The following CST9L variants were observed in gnomAD, a reference collection of about 807,000 sequenced individuals.
CST9L encodes the protein cystatin-9-like.
In CST9L, 17 loss-of-function variants were observed where a neutral mutation model predicts 13.2. The ratio of observed to expected loss-of-function variants is 1.29; its 90% CI spans 0.88 to 1.93. The LOEUF (loss-of-function observed/expected upper bound fraction) is 1.93. CST9L is among the 30% of genes most tolerant of loss of function. The pLI is 0.00. For missense variants in CST9L, 170 were observed against 170.5 expected, an observed-to-expected ratio of 1.00 and a Z score of 0.02; for synonymous variants, 78 against 69.1, an observed-to-expected ratio of 1.13 and a Z score of -0.64.
intron 1 of CST9L, 133 bp downstream of exon 1, chr20:23,568,078 T>G (rs1989123065): frequency 1.2e-6 from 1 of 828,064 alleles, no homozygotes; most frequent in Admixed American, 2.7e-5. Flanking sequence ...TAAACTACCT[T>G]GTATTTTCTT....
chr20:23,566,375 C>A (rs1205673496), intron 1 of CST9L, among the ~76,000 whole-genome samples: 1 of 152,220 alleles, frequency 6.6e-6, no homozygotes, highest in African/African-American at 2.4e-5. Context: ...AGTGTCTGAA[C>A]CTGCAGCTGC....
intron 1 of CST9L, among the ~76,000 whole-genome samples, chr20:23,567,526 A>AT (rs1491011923): frequency 6.9e-6 from 1 of 144,486 alleles, no homozygotes; most frequent in Non-Finnish European, 1.5e-5. Flanking sequence ...AAAAAAAAAA[A>AT]AGTCCTCAAC....
intron 2 of CST9L, 49 bp from the exon 3 acceptor site, chr20:23,565,086 AG>A: frequency 1.5e-6 from 2 of 1,324,478 alleles, no homozygotes; most frequent in Non-Finnish European, 2.2e-6. Flanking sequence ...AGGCTCAGGA[AG>A]CTCATGGCTC....
At position 23,568,194 on chromosome 20, in the gene CST9L, G is replaced by GGTAC; in HGVS notation, c.240+13_240+16dup. On this transcript the variant is annotated intron_variant, in intron 1 of 2. Coordinates refer to ENST00000376979, the MANE Select transcript of CST9L (RefSeq NM_080610.3). Reference sequence around the variant, plus strand: ...CACATGCCAGATGCCAGGGCAGGAGGGTACGTGGTCACCAACCTGCTCCTT... The same window carrying GGTAC: ...CACATGCCAGATGCCAGGGCAGGAGGGTACGTACGTGGTCACCAACCTGCTCCTT... The GGTAC allele has an allele frequency of 6.2e-7, 1 of 1,614,042 alleles. No homozygotes were observed. The highest frequency in any genetic ancestry group is 8.5e-7 in the Non-Finnish European group (1 of 1,179,944).
chr20:23,568,153 A>G, intron 1 of CST9L, 58 bp downstream of exon 1: 1 of 1,599,874 alleles, frequency 6.3e-7, no homozygotes. Context: ...CCCCACTCCC[A>G]TTTTTCACTG....
In CST9L at chr20:23,568,270, G is replaced by C; in HGVS notation, c.181C>G (p.Gln61Glu). 1 of 1,614,200 alleles carries C rather than the reference G, an allele frequency of 6.2e-7. No homozygotes were observed. Residue 61 changes from glutamine to glutamate, a missense_variant, in exon 1 of 3, where the codon CAG (glutamine) becomes GAG (glutamate). Gln to Glu is a conservative substitution (Grantham distance 29). Transcript: ENST00000376979. ...CTGTAGGCATAGTAGTCCTTGCTCT[G>C]TTGGTTGAATGTGTGGACAGCAAAC... ...VEFAVHTFNQ[Q>E]SKDYYAYRLG...
At position 23,566,053 on chromosome 20, in the gene CST9L, A is replaced by C. The variant is rs766760726; in HGVS notation, c.275T>G (p.Leu92Arg). ...ESKTVFSMELLLGRTRCGKFE... is the reference protein window; with the variant it reads ...ESKTVFSMELRLGRTRCGKFE... ...TTTCCCACACCTAGTTCTCCCCAGC[A>C]GTAGCTCCATTGAGAATACAGTCTT... Residue 92 changes from leucine (L) to arginine (R), a missense_variant, in exon 2 of 3, where the codon CTG becomes CGG. Coordinates refer to ENST00000376979, the MANE Select transcript of CST9L (RefSeq NM_080610.3). 1 of 1,609,178 alleles carries C rather than the reference A, an allele frequency of 6.2e-7. No homozygotes were observed. The highest frequency in any genetic ancestry group is 1.1e-5 in the South Asian group (1 of 90,976).
rs555139774 is a variant in CST9L at position 23,567,131 on chromosome 20, G to T, written c.241-1044C>A. On this transcript the variant is annotated intron_variant, in intron 1 of 2. Coordinates refer to ENST00000376979, the MANE Select transcript of CST9L (RefSeq NM_080610.3). ...GGGTCTTTCCAGAGGCTGAAGCTTG[G>T]TGCAGGGTTGGGGTCCTTTTGCTCT... is the stretch of plus-strand genomic sequence containing the variant. Among the ~76,000 whole-genome samples, 33 of 152,284 alleles carry T rather than the reference G, an allele frequency of 2.2e-4. No individual in the cohort carries two copies. The South Asian group carries it at 6.6e-3, about 31-fold the overall frequency.
At chr20:23,567,152 G>T (rs1470279610) in intron 1 of CST9L, among the ~76,000 whole-genome samples, 1 of 152,086 alleles carries the variant, frequency 6.6e-6, no homozygotes, top group Non-Finnish European at 1.5e-5. Flanking sequence ...GGGTCCTTTT[G>T]CTCTTCTTGC....
At chr20:23,567,660 T>A (rs150412078) in intron 1 of CST9L, among the ~76,000 whole-genome samples, 104 of 152,140 alleles carry the variant, frequency 6.8e-4, no homozygotes, top group Middle Eastern at 3.4e-3. Context: ...TGAGGAAGAG[T>A]GTGAAACAGT....
chr20:23,565,417 G>C (rs891374338), intron 2 of CST9L, among the ~76,000 whole-genome samples: 3 of 152,170 alleles, frequency 2.0e-5, no homozygotes, highest in African/African-American at 7.2e-5. Context: ...TACAATAAGG[G>C]TGTTGATTAA....
rs78814422 is a variant in CST9L at position 23,567,909 on chromosome 20, G to A, written c.240+302C>T. Among the ~76,000 whole-genome samples, 1,203 of 150,884 alleles carry A rather than the reference G, an allele frequency of 8.0e-3. 12 individuals carry two copies. Among genetic ancestry groups the A allele is most frequent in the African/African-American group, 0.028 (1,144 of 40,998 alleles). On this transcript the variant is annotated intron_variant, in intron 1 of 2. Coordinates refer to ENST00000376979, the MANE Select transcript of CST9L (RefSeq NM_080610.3). ...TCTGTTCAGCCCTTTTCCTTATTCC[G>A]TATCTTCATTTTCTTGGTAGTCCTC...
rs1989130355 is a variant in CST9L at position 23,568,421 on chromosome 20, C to G, written c.30G>C (p.Leu10=). The G allele has an allele frequency of 6.2e-7, 1 of 1,614,100 alleles. No homozygotes were observed. The highest frequency in any genetic ancestry group is 8.5e-7 in the Non-Finnish European group (1 of 1,180,004). MLGLPWKGG[L]SWALLLLLLG... is the part of the protein sequence containing the mutation. ...AGAGAAGCAGCAGCAGCGCCCAGGA[C>G]AGACCTCCCTTCCACGGCAGGCCCA... Residue 10 remains leucine (L), a synonymous_variant, in exon 1 of 3, where the codon CTG becomes CTC. Coordinates refer to ENST00000376979, the MANE Select transcript of CST9L (RefSeq NM_080610.3).
intron 2 of CST9L, 33 bp downstream of exon 2, chr20:23,565,941 G>C (rs764875437): frequency 8.6e-6 from 10 of 1,168,410 alleles, no homozygotes; most frequent in Non-Finnish European, 1.3e-5. Context: ...ATCCACAGCT[G>C]TATCCAGGAG....
At chr20:23,565,181 T>C (rs1361797093) in intron 2 of CST9L, 144 bp from the exon 3 acceptor site, 8 of 674,670 alleles carry the variant, frequency 1.2e-5, no homozygotes, top group African/African-American at 5.3e-5. Context: ...TATCATGTGC[T>C]GCCCCCAAGC....
chr20:23,567,236 G>A (rs750077517), intron 1 of CST9L, among the ~76,000 whole-genome samples: 14 of 152,052 alleles, frequency 9.2e-5, no homozygotes, highest in Non-Finnish European at 1.5e-4. Flanking sequence ...TTAGCTGGGT[G>A]CAGTGGCTCA....
intron 1 of CST9L, among the ~76,000 whole-genome samples, chr20:23,566,815 G>A (rs1205378573): frequency 1.3e-5 from 2 of 152,298 alleles, no homozygotes; most frequent in Non-Finnish European, 2.9e-5. Context: ...TTGAACCCGG[G>A]AGGCAGAGGT....
chr20:23,565,694 G>A (rs994664019), intron 2 of CST9L, among the ~76,000 whole-genome samples: 3 of 152,128 alleles, frequency 2.0e-5, no homozygotes, highest in Admixed American at 1.3e-4. Flanking sequence ...TGGGACCCCA[G>A]GGGGAAAGAG....
chr20:23,566,427 C>T (rs1273378842), intron 1 of CST9L, among the ~76,000 whole-genome samples: 1 of 152,188 alleles, frequency 6.6e-6, no homozygotes, highest in Non-Finnish European at 1.5e-5. Flanking sequence ...AGGGGTTTGG[C>T]TCTCCAAGAG....
Sources: gnomAD v4.1 joint callset for allele counts (sites outside exome capture counted in the v4.1 genomes callset) on GRCh38, gnomAD v4.1.1 for gene constraint, MANE v1.5 for transcripts, NCBI Gene and HGNC (gene_info 2026-07-23, HGNC 2026-07-21) for gene names.